The following TACR1 variants were observed in gnomAD, a reference collection of about 807,000 sequenced individuals.
TACR1 encodes the protein substance-P receptor.
In TACR1, 25 loss-of-function variants were observed where a neutral mutation model predicts 35.8. The observed-to-expected ratio is 0.70, with a 90% CI of 0.51 to 0.98. The LOEUF (loss-of-function observed/expected upper bound fraction) is 0.98, where lower values mean the gene tolerates loss of function less well. Ranked by LOEUF, TACR1 falls within the 50% of genes least tolerant of loss-of-function variation. The pLI is 0.00. For synonymous variants in TACR1, 195 were observed against 206.7 expected, an observed-to-expected ratio of 0.94 and a Z score of 0.48; for missense variants, 478 against 522.9, an observed-to-expected ratio of 0.91 and a Z score of 0.84.
intron 1 of TACR1, among the ~76,000 whole-genome samples, chr2:75,122,078 T>C (rs1673981080): frequency 6.6e-6 from 1 of 152,244 alleles, no homozygotes; most frequent in Non-Finnish European, 1.5e-5. Flanking sequence ...CCTTCTGGGC[T>C]ATAAGCTTGT....
At chr2:75,119,782 C>G (rs1169025830) in intron 2 of TACR1, among the ~76,000 whole-genome samples, 1 of 152,154 alleles carries the variant, frequency 6.6e-6, no homozygotes, top group African/African-American at 2.4e-5. Context: ...CTGTAAAATC[C>G]TGGGTGTAGG....
intron 2 of TACR1, among the ~76,000 whole-genome samples, chr2:75,096,643 T>C (rs1320245463): frequency 6.6e-6 from 1 of 152,210 alleles, no homozygotes; most frequent in African/African-American, 2.4e-5. Context: ...TTGTTTGTTA[T>C]CATGAATGCA....
chr2:75,138,235 C>T (rs988140830), intron 1 of TACR1, among the ~76,000 whole-genome samples: 7 of 152,140 alleles, frequency 4.6e-5, no homozygotes, highest in East Asian at 3.8e-4. Context: ...AGCAGGAAGA[C>T]GGGGGACTGG....
chr2:75,122,991 C>T (rs778121586), intron 1 of TACR1, among the ~76,000 whole-genome samples: 2 of 147,136 alleles, frequency 1.4e-5, no homozygotes, highest in African/African-American at 2.4e-5. Flanking sequence ...TCATGGGGTG[C>T]GGTGGGTGGG....
intron 1 of TACR1, among the ~76,000 whole-genome samples, chr2:75,178,001 G>A (rs1424721299): frequency 2.6e-5 from 4 of 151,980 alleles, no homozygotes; most frequent in Non-Finnish European, 5.9e-5. Context: ...CAATAAAAAT[G>A]AGCTGTCATT....
intron 2 of TACR1, among the ~76,000 whole-genome samples, chr2:75,071,122 A>G (rs553688457): frequency 6.6e-6 from 1 of 152,312 alleles, no homozygotes; most frequent in East Asian, 1.9e-4. Context: ...TGAGTGGAGT[A>G]GCTGTGGAAG....
intron 1 of TACR1, among the ~76,000 whole-genome samples, chr2:75,127,656 T>C (rs1239081286): frequency 6.6e-6 from 1 of 152,212 alleles, no homozygotes; most frequent in Non-Finnish European, 1.5e-5. Context: ...CTGTCTCATG[T>C]GTGATCAAAC....
intron 1 of TACR1, among the ~76,000 whole-genome samples, chr2:75,166,500 G>C (rs962625826): frequency 2.6e-5 from 4 of 152,152 alleles, no homozygotes; most frequent in Non-Finnish European, 4.4e-5. Flanking sequence ...CTTAGTCGTT[G>C]GCCAATCAAT....
intron 1 of TACR1, among the ~76,000 whole-genome samples, chr2:75,183,041 C>T (rs1289582992): frequency 6.6e-6 from 1 of 152,144 alleles, no homozygotes; most frequent in African/African-American, 2.4e-5. Flanking sequence ...CATTGTATCC[C>T]TGAATCTCAG....
At position 75,194,139 on chromosome 2, in the gene TACR1, A is replaced by G. The variant is rs1441005259; in HGVS notation, c.389+4407T>C. Among the ~76,000 whole-genome samples, 3 of 152,206 alleles carry G rather than the reference A, an allele frequency of 2.0e-5. No individual in the cohort carries two copies. The East Asian group carries it at 5.8e-4, about 29-fold the overall frequency. On this transcript the variant is annotated intron_variant, in intron 1 of 4. Coordinates refer to ENST00000305249, the MANE Select transcript of TACR1 (RefSeq NM_001058.4). ...AAAGTAACACCCTTGACCATTCAGG[A>G]CACTGCAGGCTCCCAGGAGTAGGGA...
intron 1 of TACR1, among the ~76,000 whole-genome samples, chr2:75,153,790 T>G (rs1240425354): frequency 6.6e-6 from 1 of 152,212 alleles, no homozygotes; most frequent in Non-Finnish European, 1.5e-5. Context: ...GGAGGTGGTT[T>G]TAACTCCTGT....
chr2:75,075,713 A>G (rs1285339768), intron 2 of TACR1, among the ~76,000 whole-genome samples: 1 of 152,236 alleles, frequency 6.6e-6, no homozygotes, highest in Non-Finnish European at 1.5e-5. Context: ...CAACAATAAC[A>G]ACAAGAACAA....
chr2:75,093,528 G>A (rs576778206), intron 2 of TACR1, among the ~76,000 whole-genome samples: 1 of 152,262 alleles, frequency 6.6e-6, no homozygotes, highest in South Asian at 2.1e-4. Context: ...GAGCATTGAG[G>A]ACAAAGGCTT....
chr2:75,068,390 C>G (rs1267915502), intron 2 of TACR1, among the ~76,000 whole-genome samples: 1 of 152,158 alleles, frequency 6.6e-6, no homozygotes, highest in Non-Finnish European at 1.5e-5. Context: ...GATACCTTCA[C>G]AGCAACATAT....
intron 2 of TACR1, among the ~76,000 whole-genome samples, chr2:75,097,181 C>T (rs1445266113): frequency 6.6e-6 from 1 of 152,170 alleles, no homozygotes; most frequent in Non-Finnish European, 1.5e-5. Flanking sequence ...CACAATTAAA[C>T]AGTCAATTAA....
chr2:75,066,505 A>C (rs536912649), intron 2 of TACR1, among the ~76,000 whole-genome samples: 9 of 152,346 alleles, frequency 5.9e-5, no homozygotes, highest in Non-Finnish European at 1.2e-4. Flanking sequence ...AAAATTGTGT[A>C]GCTTAAAAAA....
At chr2:75,183,847 T>C (rs1477864095) in intron 1 of TACR1, among the ~76,000 whole-genome samples, 1 of 152,190 alleles carries the variant, frequency 6.6e-6, no homozygotes, top group Non-Finnish European at 1.5e-5. Context: ...TTCTTTTGCT[T>C]CACCTGAAAG....
intron 2 of TACR1, among the ~76,000 whole-genome samples, chr2:75,103,934 A>G (rs575621124): frequency 7.2e-5 from 11 of 152,240 alleles, no homozygotes; most frequent in African/African-American, 2.4e-4. Context: ...AAAGGAATCA[A>G]AGCATACTAT....
intron 1 of TACR1, among the ~76,000 whole-genome samples, chr2:75,182,182 G>C (rs1159291465): frequency 6.6e-6 from 1 of 152,218 alleles, no homozygotes; most frequent in Admixed American, 6.5e-5. Flanking sequence ...AGCTAAGAGT[G>C]AAAAAGCATT....
Sources: allele counts gnomAD v4.1 joint callset (sites outside exome capture counted in the v4.1 genomes callset), GRCh38; gene constraint gnomAD v4.1.1; transcripts MANE v1.5; gene names NCBI Gene and HGNC (gene_info 2026-07-23, HGNC 2026-07-21).